Variants in AFF1 observed in about 807,000 individuals in gnomAD.
AFF1 encodes the protein AF4/FMR2 family member 1.
A neutral mutation model predicts 121.7 loss-of-function variants in AFF1; 48 were observed. The observed-to-expected ratio is 0.39, with a 90% CI of 0.31 to 0.50. AFF1 has a LOEUF of 0.50. AFF1 is among the 20% of genes least tolerant of loss of function. The pLI, the probability that AFF1 is intolerant of heterozygous loss-of-function variation, is 0.76. For missense variants in AFF1, 1,523 were observed against 1,511.7 expected, an observed-to-expected ratio of 1.01 and a Z score of -0.12; for synonymous variants, 613 against 563.0, an observed-to-expected ratio of 1.09 and a Z score of -1.26.
intron 2 of AFF1, among the ~76,000 whole-genome samples, chr4:87,020,484 GTT>G (rs1459196430): frequency 6.6e-6 from 1 of 151,868 alleles, no homozygotes; most frequent in Non-Finnish European, 1.5e-5. Context: ...CCATGTTTTT[GTT>G]TTGTTTTGTT....
Position 87,132,287 on chromosome 4 carries a change from A to G in AFF1, c.3190A>G (p.Ile1064Val). 1 of 1,612,998 alleles carries G rather than the reference A, an allele frequency of 6.2e-7. No individual in the cohort carries two copies. The highest frequency in any genetic ancestry group is 1.3e-5 in the African/African-American group (1 of 74,982). The change falls in exon 19 of 21, where the codon ATT becomes GTT. Residue 1064 changes from isoleucine to valine, a missense_variant. By Grantham distance (29) the Ile-to-Val change is conservative. Coordinates refer to ENST00000395146, the MANE Select transcript of AFF1 (RefSeq NM_001166693.3). Reference sequence around the variant, plus strand: ...TGTTCATAGCATGCGTTGCCAGTCCATTTTGAACATGGCGATGTTTCGTTG... The same window carrying G: ...TGTTCATAGCATGCGTTGCCAGTCCGTTTTGAACATGGCGATGTTTCGTTG... ...FAVLCMRCQS[I>V]LNMAMFRCKK...
intron 4 of AFF1, among the ~76,000 whole-genome samples, chr4:87,080,764 T>C (rs892234898): frequency 5.3e-5 from 8 of 152,234 alleles, no homozygotes; most frequent in African/African-American, 1.9e-4. Flanking sequence ...TTGCACTTTA[T>C]GAGACGAGGC....
chr4:86,943,094 A>G (rs1318469061), intron 1 of AFF1, among the ~76,000 whole-genome samples: 1 of 152,234 alleles, frequency 6.6e-6, no homozygotes, highest in Non-Finnish European at 1.5e-5. Flanking sequence ...ATTGGAGCTG[A>G]GCACCTAATG....
intron 2 of AFF1, among the ~76,000 whole-genome samples, chr4:86,989,813 C>T (rs1385485932): frequency 6.6e-5 from 10 of 152,254 alleles, no homozygotes; most frequent in South Asian, 2.1e-4. Context: ...AAAGAAAATA[C>T]GGCACGTATA....
Position 87,139,161 on chromosome 4 carries a change from G to A in AFF1, c.*3460G>A, listed in dbSNP as rs1180412115. 3 of 230,546 alleles carry A rather than the reference G, an allele frequency of 1.3e-5. No individual in the cohort carries two copies. The highest frequency in any genetic ancestry group is 1.2e-4 in the East Asian group (2 of 16,246). The allele number at this position is 230,546 out of a possible 1,614,324, so 14.3% of individuals were successfully genotyped here. On this transcript the variant is annotated 3_prime_UTR_variant, in exon 21 of 21. Transcript: ENST00000395146. Reference sequence around the variant, plus strand: ...TATACACTTAAATAGAGAAAAAGAGGTTGATTGAATTGTGCCTTTGAGTGA... The same window carrying A: ...TATACACTTAAATAGAGAAAAAGAGATTGATTGAATTGTGCCTTTGAGTGA...
At chr4:87,089,810 T>G (rs1192434353) in intron 5 of AFF1, among the ~76,000 whole-genome samples, 174 bp from the exon 6 acceptor site, 2 of 152,244 alleles carry the variant, frequency 1.3e-5, no homozygotes, top group Non-Finnish European at 2.9e-5. Context: ...AGCTTTAACT[T>G]TTCAACATAG....
intron 2 of AFF1, among the ~76,000 whole-genome samples, chr4:86,962,056 C>T (rs1179322854): frequency 6.6e-6 from 1 of 151,654 alleles, no homozygotes; most frequent in Non-Finnish European, 1.5e-5. Context: ...ATGTGTTCCT[C>T]AATAGCTGGT....
chr4:87,015,788 A>G (rs1038207410), intron 2 of AFF1, among the ~76,000 whole-genome samples: 1 of 152,254 alleles, frequency 6.6e-6, no homozygotes, highest in African/African-American at 2.4e-5. Flanking sequence ...ACAGTTTATG[A>G]TAAGCCTAGC....
At chr4:87,133,153 T>A (rs909108206) in intron 19 of AFF1, among the ~76,000 whole-genome samples, 2 of 152,236 alleles carry the variant, frequency 1.3e-5, no homozygotes, top group Non-Finnish European at 2.9e-5. Flanking sequence ...ACACCAGCAA[T>A]ACTAAGAATG....
At position 87,136,117 on chromosome 4, in the gene AFF1, AT is replaced by A. The variant is rs956978475; in HGVS notation, c.*427del. 3.4e-3 allele frequency: 724 copies of A among 213,228 alleles called. No individual in the cohort carries two copies. Among genetic ancestry groups the A allele is most frequent in the Middle Eastern group, 8.9e-3 (6 of 674 alleles). The allele number at this position is 213,228 out of a possible 1,614,324, so 13.2% of individuals were successfully genotyped here. A position where few individuals can be genotyped will look rare whatever the true frequency, so the allele number is the denominator to read the frequency against. ...CACGCTAGTCCATTCCCAGAAGGAA[AT>A]TTTTTTTTTTAACAATGACTTTTGG... On this transcript the variant is annotated 3_prime_UTR_variant, in exon 21 of 21. Coordinates refer to ENST00000395146, the MANE Select transcript of AFF1 (RefSeq NM_001166693.3).
In AFF1 at chr4:86,998,850, C is replaced by G. The variant is rs112792123; in HGVS notation, c.39-47316C>G. Among the ~76,000 whole-genome samples, 200 of 152,272 alleles carry G rather than the reference C, an allele frequency of 1.3e-3. 1 individual carries two copies. The highest frequency in any genetic ancestry group is 4.5e-3 in the African/African-American group (189 of 41,554). ...GTATCTAAAGTGAGCTCTTCCCACTCCCATCCCTCTACTTTCAGTATCTCA... is the reference window on the plus strand; with the variant it reads ...GTATCTAAAGTGAGCTCTTCCCACTGCCATCCCTCTACTTTCAGTATCTCA... On this transcript the variant is annotated intron_variant, in intron 2 of 20. Coordinates refer to ENST00000395146, the MANE Select transcript of AFF1 (RefSeq NM_001166693.3).
rs559783248 is a variant in AFF1, at chr4:86,996,046, G to A, written c.38+47475G>A. ...AGCCCCTCCGCCCAGCAGCCACCCC[G>A]TCTGGGAAGTGAGGAGCGTCTCTGC... On this transcript the variant is annotated intron_variant, in intron 2 of 20. Coordinates refer to ENST00000395146, the MANE Select transcript of AFF1 (RefSeq NM_001166693.3). Among the ~76,000 whole-genome samples the A allele has an allele frequency of 7.2e-4, 109 of 150,770 alleles. 1 individual carries two copies. In the East Asian group the frequency reaches 0.018, roughly 24 times the overall value.
At chr4:87,003,830 A>C (rs1725898760) in intron 2 of AFF1, among the ~76,000 whole-genome samples, 1 of 152,204 alleles carries the variant, frequency 6.6e-6, no homozygotes, top group Admixed American at 6.5e-5. Flanking sequence ...TTGAATATTT[A>C]CTATTGCAAA....
At chr4:87,048,156 A>G (rs149954718) in intron 4 of AFF1, 39 of 155,300 alleles carry the variant, frequency 2.5e-4, no homozygotes, top group African/African-American at 9.1e-4. Flanking sequence ...GTAAATTGTA[A>G]GGAACTTTAT....
At chr4:87,083,809 C>T (rs1041292263) in intron 4 of AFF1, among the ~76,000 whole-genome samples, 33 of 152,090 alleles carry the variant, frequency 2.2e-4, no homozygotes, top group Admixed American at 2.1e-3. Context: ...ATATATACAG[C>T]CAGAGTGCAG....
chr4:87,000,152 A>G (rs1363922990), intron 2 of AFF1, among the ~76,000 whole-genome samples: 1 of 152,230 alleles, frequency 6.6e-6, no homozygotes, highest in African/African-American at 2.4e-5. Flanking sequence ...GAATGAGTAA[A>G]TAAATGGAGA....
chr4:87,134,516 C>G lies in AFF1; in HGVS notation c.3357C>G (p.Ala1119=). The G allele has an allele frequency of 6.2e-7, 1 of 1,612,636 alleles. No homozygotes were observed. Among genetic ancestry groups the G allele is most frequent in the Non-Finnish European group, 8.5e-7 (1 of 1,179,430 alleles). ...CTCTTTCCCCAATGCCTTCTCCTGCCAGCTCCGTAGGGTCCCAGTCAAGTG... is the reference window on the plus strand; with the variant it reads ...CTCTTTCCCCAATGCCTTCTCCTGCGAGCTCCGTAGGGTCCCAGTCAAGTG... ...PSPLSPMPSP[A]SSVGSQSSAG... The change falls in exon 20 of 21, where the codon GCC becomes GCG. Residue 1119 remains alanine, a synonymous_variant. Transcript: ENST00000395146.
At chr4:87,028,699 C>T (rs1373239299) in intron 2 of AFF1, among the ~76,000 whole-genome samples, 10 of 152,316 alleles carry the variant, frequency 6.6e-5, no homozygotes, top group African/African-American at 1.9e-4. Context: ...GCCCTTCTCA[C>T]ACTGAAGGAA....
At chr4:87,021,962 G>T (rs1727940846) in intron 2 of AFF1, among the ~76,000 whole-genome samples, 2 of 152,142 alleles carry the variant, frequency 1.3e-5, no homozygotes, top group Admixed American at 1.3e-4. Context: ...CAGCACTTTG[G>T]GAGGCCGAGG....
Sources: allele counts gnomAD v4.1 joint callset (sites outside exome capture counted in the v4.1 genomes callset), GRCh38; gene constraint gnomAD v4.1.1; transcripts MANE v1.5; gene names NCBI Gene and HGNC (gene_info 2026-07-23, HGNC 2026-07-21).